The following TBC1D22A variants were observed in gnomAD, a reference collection of about 807,000 sequenced individuals.
TBC1D22A encodes the protein putative GTPase activator.
In TBC1D22A, 38 loss-of-function variants were observed where a neutral mutation model predicts 60.2. That is an observed-to-expected ratio of 0.63 (90% CI 0.49 to 0.83). TBC1D22A has a LOEUF of 0.83. Ranked by LOEUF, TBC1D22A falls within the 40% of genes least tolerant of loss-of-function variation. The pLI, the probability that TBC1D22A is intolerant of heterozygous loss-of-function variation, is 0.00. For missense variants in TBC1D22A, 628 were observed against 701.0 expected (o/e 0.90, Z 1.18); for synonymous variants, 302 against 281.7 (o/e 1.07, Z -0.72).
intron 10 of TBC1D22A, among the ~76,000 whole-genome samples, chr22:47,025,183 C>G (rs533861190): frequency 1.3e-5 from 2 of 152,188 alleles, no homozygotes; most frequent in Non-Finnish European, 2.9e-5. Context: ...TTGAGCTCCT[C>G]TCTTCAGGAA....
intron 10 of TBC1D22A, among the ~76,000 whole-genome samples, chr22:47,024,935 T>C (rs1483094272): frequency 6.6e-6 from 1 of 152,190 alleles, no homozygotes; most frequent in Non-Finnish European, 1.5e-5. Context: ...AGATATTTCA[T>C]GCTAACACCA....
At chr22:46,898,068 T>C (rs1337101989) in intron 7 of TBC1D22A, among the ~76,000 whole-genome samples, 1 of 152,224 alleles carries the variant, frequency 6.6e-6, no homozygotes, top group East Asian at 1.9e-4. Flanking sequence ...GATAATTTGT[T>C]ATAACCTCCT....
chr22:47,136,113 T>C (rs1428625201), intron 12 of TBC1D22A, among the ~76,000 whole-genome samples: 13 of 152,256 alleles, frequency 8.5e-5, no homozygotes, highest in Admixed American at 6.5e-4. Flanking sequence ...GGCACGATGG[T>C]GTGGAAGGCC....
At chr22:46,904,126 TCTATCTATCTATCTATCTACCTACCTAC>T (rs1448088250) in intron 7 of TBC1D22A, among the ~76,000 whole-genome samples, 9 of 93,804 alleles carry the variant, frequency 9.6e-5, no homozygotes, top group Middle Eastern at 4.8e-3. Flanking sequence ...TATCTATCTA[TCTATCTATCTATCTATCTACCTACCTAC>T]CTACCTACCT....
intron 4 of TBC1D22A, among the ~76,000 whole-genome samples, chr22:46,828,193 T>C (rs1324383878): frequency 2.0e-5 from 3 of 152,156 alleles, no homozygotes; most frequent in African/African-American, 7.2e-5. Flanking sequence ...TTTGAGAGAA[T>C]GGATGGAGGT....
chr22:47,120,429 C>T (rs55753507), intron 12 of TBC1D22A, among the ~76,000 whole-genome samples: 3,294 of 152,250 alleles, frequency 0.022, 127 homozygotes, highest in African/African-American at 0.072. Flanking sequence ...CACACACACA[C>T]GCACACACAA....
intron 12 of TBC1D22A, among the ~76,000 whole-genome samples, chr22:47,129,693 G>T (rs1220465102): frequency 6.6e-6 from 1 of 152,020 alleles, no homozygotes; most frequent in African/African-American, 2.4e-5. Context: ...AAGTATTAAT[G>T]CCCCAAGCCT....
intron 12 of TBC1D22A, among the ~76,000 whole-genome samples, chr22:47,168,664 C>A (rs958902604): frequency 6.6e-6 from 1 of 152,216 alleles, no homozygotes; most frequent in East Asian, 1.9e-4. Context: ...CGAAGGAACC[C>A]AGGGTCTGCA....
chr22:46,840,941 C>T (rs1020802244), intron 4 of TBC1D22A, among the ~76,000 whole-genome samples: 7 of 152,000 alleles, frequency 4.6e-5, no homozygotes, highest in African/African-American at 7.2e-5. Context: ...GTCAGTGCCT[C>T]GTAGAGGATA....
intron 12 of TBC1D22A, among the ~76,000 whole-genome samples, chr22:47,119,262 T>A (rs1464459263): frequency 1.3e-5 from 2 of 152,196 alleles, no homozygotes; most frequent in African/African-American, 4.8e-5. Flanking sequence ...CCTAGTAAAT[T>A]TGTTCAGTTT....
chr22:46,907,959 G>A (rs1441454890), intron 7 of TBC1D22A, among the ~76,000 whole-genome samples: 5 of 152,324 alleles, frequency 3.3e-5, no homozygotes, highest in South Asian at 2.1e-4. Flanking sequence ...TGAGACAGCC[G>A]CAGAGTGGCT....
intron 11 of TBC1D22A, among the ~76,000 whole-genome samples, chr22:47,092,010 C>G (rs2064997380): frequency 6.6e-6 from 1 of 152,196 alleles, no homozygotes; most frequent in African/African-American, 2.4e-5. Context: ...TGCCGTCTTA[C>G]AGATGAGCTG....
intron 8 of TBC1D22A, among the ~76,000 whole-genome samples, chr22:46,960,717 C>T (rs1250023786): frequency 4.6e-5 from 7 of 152,012 alleles, no homozygotes; most frequent in Admixed American, 3.3e-4. Flanking sequence ...GAGGCCGAGG[C>T]GGGTGGATCA....
At chr22:46,951,874 T>C (rs1393970306) in intron 8 of TBC1D22A, among the ~76,000 whole-genome samples, 1 of 152,254 alleles carries the variant, frequency 6.6e-6, no homozygotes, top group African/African-American at 2.4e-5. Context: ...CACCAGAGGC[T>C]CTGCATGAGG....
chr22:47,089,957 G>A (rs909231699), intron 11 of TBC1D22A, among the ~76,000 whole-genome samples: 1 of 152,188 alleles, frequency 6.6e-6, no homozygotes, highest in Non-Finnish European at 1.5e-5. Flanking sequence ...GGTCAGAACA[G>A]CCCAGTGTGA....
At chr22:46,912,223 A>C in intron 8 of TBC1D22A, 35 bp downstream of exon 8, 5 of 1,487,864 alleles carry the variant, frequency 3.4e-6, no homozygotes, top group Non-Finnish European at 4.7e-6. Flanking sequence ...CGTGAACTTT[A>C]GTGGACTTGC....
Position 47,118,120 on chromosome 22 carries a change from C to CT in TBC1D22A, c.1425+6518dup, listed in dbSNP as rs146004953. On this transcript the variant is annotated intron_variant, in intron 12 of 12. Transcript: ENST00000337137. Reference sequence around the variant, plus strand: ...CCGGGGCGACAGAGTGAGACTCCGTCTCAAAAAAAATACATAAAAAATAAG... The same window carrying CT: ...CCGGGGCGACAGAGTGAGACTCCGTCTTCAAAAAAAATACATAAAAAATAAG... 2.4e-3 allele frequency among the ~76,000 whole-genome samples: 360 copies of CT among 151,364 alleles called. 2 individuals carry two copies. Among genetic ancestry groups the CT allele is most frequent in the African/African-American group, 8.6e-3 (353 of 40,864 alleles).
intron 9 of TBC1D22A, among the ~76,000 whole-genome samples, chr22:46,981,192 C>A (rs1291301795): frequency 6.6e-6 from 1 of 152,192 alleles, no homozygotes; most frequent in Non-Finnish European, 1.5e-5. Context: ...AAGAGTTAAT[C>A]TTGAATGCAT....
intron 1 of TBC1D22A, among the ~76,000 whole-genome samples, chr22:46,782,715 A>G (rs2083993077): frequency 6.6e-6 from 1 of 152,064 alleles, no homozygotes. Flanking sequence ...TGGATGTTGT[A>G]TGTCGGTGGA....
Sources: allele counts gnomAD v4.1 joint callset (sites outside exome capture counted in the v4.1 genomes callset), GRCh38; gene constraint gnomAD v4.1.1; transcripts MANE v1.5; gene names NCBI Gene and HGNC (gene_info 2026-07-23, HGNC 2026-07-21).